Variants in GPHN observed in about 807,000 individuals in gnomAD.
The protein encoded by GPHN is gephyrin.
Under a neutral mutation model 95.5 loss-of-function variants are expected in GPHN, and 17 were observed. The observed-to-expected ratio is 0.18, with a 90% CI of 0.12 to 0.27. The LOEUF (loss-of-function observed/expected upper bound fraction) is 0.27, where lower values mean the gene tolerates loss of function less well. Among genes scored for constraint, GPHN ranks in the 10% least tolerant of loss-of-function variants. GPHN has a pLI of 1.00. For missense variants in GPHN, 660 were observed against 978.1 expected (o/e 0.67, Z 4.34); for synonymous variants, 320 against 322.5 (o/e 0.99, Z 0.08).
the GPHN span, among the ~76,000 whole-genome samples, chr14:67,550,086 C>G: frequency 1.4e-4 from 21 of 151,796 alleles, no homozygotes; most frequent in Admixed American, 2.0e-4. Context: ...TTTCTCTTCC[C>G]AGCTCCGTAT....
chr14:66,957,936 C>A lies in GPHN; in HGVS notation c.829-7255C>A, dbSNP rs1206044295. 3.3e-5 allele frequency among the ~76,000 whole-genome samples: 5 copies of A among 152,074 alleles called. No individual in the cohort carries two copies. The East Asian group carries it at 9.6e-4, about 29-fold the overall frequency. ...GCTCCTTATGAGAATTTAACTAATC[C>A]CTGATGATCTGAGGTGGAACAGTTT... On this transcript the variant is annotated intron_variant, in intron 8 of 22. Transcript: ENST00000478722.
At chr14:67,188,579 A>G in the GPHN span, among the ~76,000 whole-genome samples, 12 of 152,336 alleles carry the variant, frequency 7.9e-5, 2 homozygotes, top group African/African-American at 2.9e-4. Flanking sequence ...GACTATAGGT[A>G]TGACCAGAGG....
the GPHN span, chr14:67,580,167 G>A: frequency 3.3e-6 from 1 of 306,958 alleles, no homozygotes; most frequent in Admixed American, 4.6e-5. Flanking sequence ...TAGGGACAGT[G>A]AGGCCCCACG....
At chr14:67,108,712 G>GAT (rs1555492926) in intron 13 of GPHN, among the ~76,000 whole-genome samples, 1 of 131,142 alleles carries the variant, frequency 7.6e-6, no homozygotes, top group Admixed American at 7.8e-5. Context: ...TTCCCTAAGG[G>GAT]GTGTGTGTGT....
At chr14:66,947,809 G>T (rs896722048) in intron 8 of GPHN, among the ~76,000 whole-genome samples, 1 of 152,062 alleles carries the variant, frequency 6.6e-6, no homozygotes. Flanking sequence ...AGTAAATTTA[G>T]CTGGATGTGG....
chr14:67,435,498 C>G, the GPHN span, among the ~76,000 whole-genome samples: 1 of 152,206 alleles, frequency 6.6e-6, no homozygotes. Flanking sequence ...GTCTGAGATG[C>G]CCACAGGGCA....
At chr14:67,494,675 C>T in the GPHN span, among the ~76,000 whole-genome samples, 1 of 152,204 alleles carries the variant, frequency 6.6e-6, no homozygotes, top group South Asian at 2.1e-4. Flanking sequence ...CTGTCCACAG[C>T]CGGTGATGGC....
intron 1 of GPHN, among the ~76,000 whole-genome samples, chr14:66,645,572 A>G (rs1266107351): frequency 1.3e-5 from 2 of 151,712 alleles, no homozygotes; most frequent in Non-Finnish European, 2.9e-5. Context: ...GGCACTTGCA[A>G]TCCCAGCTAC....
chr14:67,624,261 C>A, the GPHN span, among the ~76,000 whole-genome samples: 1 of 148,166 alleles, frequency 6.7e-6, no homozygotes, highest in Non-Finnish European at 1.5e-5. Context: ...GAAATTTGCA[C>A]TTTAATGGGA....
chr14:67,179,440 G>A, intron 21 of GPHN, 138 bp from the exon 22 acceptor site: 2 of 675,378 alleles, frequency 3.0e-6, no homozygotes, highest in Admixed American at 2.2e-5. Flanking sequence ...AAGAACATAA[G>A]GTGGTAGTGA....
intron 10 of GPHN, among the ~76,000 whole-genome samples, chr14:67,037,993 A>G (rs2074512392): frequency 6.6e-6 from 1 of 152,026 alleles, no homozygotes; most frequent in Non-Finnish European, 1.5e-5. Flanking sequence ...TCAAAAAACT[A>G]CTTACACACC....
the GPHN span, among the ~76,000 whole-genome samples, chr14:67,190,826 G>A: frequency 3.9e-5 from 6 of 152,190 alleles, no homozygotes; most frequent in Non-Finnish European, 7.3e-5. Context: ...AGAATCTTGG[G>A]AAAAATCACC....
chr14:67,422,724 G>T, the GPHN span, among the ~76,000 whole-genome samples: 1 of 152,136 alleles, frequency 6.6e-6, no homozygotes, highest in Non-Finnish European at 1.5e-5. Flanking sequence ...AACCAGCAGT[G>T]GCTTAAACCC....
At chr14:67,204,728 T>C in the GPHN span, 1 of 1,613,918 alleles carries the variant, frequency 6.2e-7, no homozygotes, top group Non-Finnish European at 8.5e-7. Flanking sequence ...GTTTCCAAAG[T>C]GTCGGAGGTT....
chr14:66,963,404 T>C (rs1044257121), intron 8 of GPHN, among the ~76,000 whole-genome samples: 7 of 152,066 alleles, frequency 4.6e-5, no homozygotes, highest in Non-Finnish European at 1.0e-4. Context: ...CATTAGATAT[T>C]GGACATAAAA....
rs368610286 is a variant in GPHN, at chr14:67,033,174, A to G, written c.1006+9499A>G. 6.9e-4 allele frequency among the ~76,000 whole-genome samples: 105 copies of G among 152,316 alleles called. 3 individuals carry two copies. The South Asian group carries it at 0.022, about 32-fold the overall frequency. ...GAGGGGTTCAACAATTACTTGACCA[A>G]TCAGAAGAGATCAACAGCAAAATTG... is the stretch of plus-strand genomic sequence containing the variant. On this transcript the variant is annotated intron_variant, in intron 10 of 22. Coordinates refer to ENST00000478722, the MANE Select transcript of GPHN (RefSeq NM_020806.5).
rs560155795 is a variant in GPHN at position 66,988,266 on chromosome 14, T to C, written c.963+22941T>C. Among the ~76,000 whole-genome samples, 10 of 152,212 alleles carry C rather than the reference T, an allele frequency of 6.6e-5. 2 individuals are homozygous for C. The highest frequency in any genetic ancestry group is 2.4e-4 in the African/African-American group (10 of 41,566). ...TGGCCCCAGTGCAAAATAAAATCTTTCTTTTCAAAAATCACTATTTCTTAT... is the reference window on the plus strand; with the variant it reads ...TGGCCCCAGTGCAAAATAAAATCTTCCTTTTCAAAAATCACTATTTCTTAT... On this transcript the variant is annotated intron_variant, in intron 9 of 22. Transcript: ENST00000478722.
At chr14:66,630,487 T>A (rs549072168) in intron 1 of GPHN, among the ~76,000 whole-genome samples, 2,833 of 152,206 alleles carry the variant, frequency 0.019, 79 homozygotes, top group African/African-American at 0.064. Context: ...GTTGTTGTTG[T>A]TATTTTTTTT....
the GPHN span, among the ~76,000 whole-genome samples, chr14:67,696,318 G>A: frequency 1.3e-5 from 2 of 152,184 alleles, no homozygotes; most frequent in Non-Finnish European, 2.9e-5. Flanking sequence ...TTCTCCTGGA[G>A]ATCAGATGTT....
Sources: allele counts gnomAD v4.1 joint callset (sites outside exome capture counted in the v4.1 genomes callset), GRCh38; gene constraint gnomAD v4.1.1; transcripts MANE v1.5; gene names NCBI Gene and HGNC (gene_info 2026-07-23, HGNC 2026-07-21).